The following EXOC2 variants were observed in gnomAD, a reference collection of about 807,000 sequenced individuals.
EXOC2 encodes SEC5-like 1.
EXOC2 carries 70 observed loss-of-function variants against 131.8 expected under a neutral mutation model. The ratio of observed to expected loss-of-function variants is 0.53; its 90% CI spans 0.44 to 0.65. The LOEUF is 0.65. Ranked by LOEUF, EXOC2 falls within the 30% of genes least tolerant of loss-of-function variation. The pLI is 0.00. For synonymous variants in EXOC2, 411 were observed against 398.4 expected, an observed-to-expected ratio of 1.03 and a Z score of -0.38; for missense variants, 923 against 1,108.6, an observed-to-expected ratio of 0.83 and a Z score of 2.38.
At chr6:532,730 A>T in intron 22 of EXOC2, 120 bp from the exon 23 acceptor site, 1 of 984,594 alleles carries the variant, frequency 1.0e-6, no homozygotes, top group Non-Finnish European at 1.4e-6. Flanking sequence ...TCCTACAAAA[A>T]CTCGTGACTT....
At chr6:555,844 A>G in intron 19 of EXOC2, 110 bp downstream of exon 19, 1 of 1,097,816 alleles carries the variant, frequency 9.1e-7, no homozygotes, top group East Asian at 2.4e-5. Flanking sequence ...GACAAGATGA[A>G]AAAAGAATAC....
At chr6:641,821 G>A (rs1195244130) in intron 1 of EXOC2, among the ~76,000 whole-genome samples, 3 of 152,076 alleles carry the variant, frequency 2.0e-5, no homozygotes, top group African/African-American at 4.8e-5. Flanking sequence ...TGCAACAGAC[G>A]TATAACTGGT....
At chr6:656,184 A>T (rs1763070436) in intron 1 of EXOC2, 1 of 1,614,186 alleles carries the variant, frequency 6.2e-7, no homozygotes, top group Non-Finnish European at 8.5e-7. Flanking sequence ...ATTGTCCCAA[A>T]TATTGCACAG....
intron 1 of EXOC2, among the ~76,000 whole-genome samples, chr6:671,175 G>A (rs1422724958): frequency 6.6e-6 from 1 of 151,640 alleles, no homozygotes; most frequent in Non-Finnish European, 1.5e-5. Flanking sequence ...TGGCCAACAT[G>A]GCAAAATCCC....
chr6:567,627 CATTA>C (rs1365554073), intron 13 of EXOC2, among the ~76,000 whole-genome samples: 1 of 151,722 alleles, frequency 6.6e-6, no homozygotes, highest in East Asian at 1.9e-4. Flanking sequence ...ATGTGTTATA[CATTA>C]ATGTTTCATA....
chr6:579,470 A>G (rs1273057445), intron 11 of EXOC2, among the ~76,000 whole-genome samples: 1 of 152,234 alleles, frequency 6.6e-6, no homozygotes, highest in Non-Finnish European at 1.5e-5. Flanking sequence ...AGAAGAGCAC[A>G]TGCCCCTCCG....
At chr6:496,376 C>A (rs953963849) in intron 25 of EXOC2, among the ~76,000 whole-genome samples, 1 of 152,220 alleles carries the variant, frequency 6.6e-6, no homozygotes, top group African/African-American at 2.4e-5. Flanking sequence ...TTTTAGCAAG[C>A]AGTTAACTTA....
At chr6:490,414 G>A (rs926097201) in intron 26 of EXOC2, among the ~76,000 whole-genome samples, 1 of 152,212 alleles carries the variant, frequency 6.6e-6, no homozygotes, top group Non-Finnish European at 1.5e-5. Context: ...ACTAAAAATG[G>A]CTGCTGGTGA....
At chr6:659,243 A>G (rs1050895481) in intron 1 of EXOC2, among the ~76,000 whole-genome samples, 1 of 152,206 alleles carries the variant, frequency 6.6e-6, no homozygotes, top group Admixed American at 6.5e-5. Context: ...TTTTCAAAAC[A>G]CTGCTGAATA....
chr6:553,779 C>T (rs1757272661), intron 21 of EXOC2, 75 bp downstream of exon 21: 5 of 1,209,060 alleles, frequency 4.1e-6, no homozygotes, highest in Non-Finnish European at 6.2e-6. Context: ...GATGCAGGAA[C>T]ACAGTCATTA....
At chr6:570,283 G>C (rs7771371) in intron 13 of EXOC2, among the ~76,000 whole-genome samples, 1 of 151,876 alleles carries the variant, frequency 6.6e-6, no homozygotes, top group Non-Finnish European at 1.5e-5. Flanking sequence ...ACAGGCGCCC[G>C]CCACCACGCC....
At position 556,513 on chromosome 6, in the gene EXOC2, C is replaced by T; in HGVS notation, c.1903G>A (p.Val635Ile). ...IVCSLQSLKGVLECKPGEASV... is the reference protein window; with the variant it reads ...IVCSLQSLKGILECKPGEASV... Reference sequence around the variant, plus strand: ...GCCTCTCCCGGCTTGCACTCCAGAACCCCCTTCAGTGACTGCAGAGAACAC... The same window carrying T: ...GCCTCTCCCGGCTTGCACTCCAGAATCCCCTTCAGTGACTGCAGAGAACAC... Residue 635 changes from valine (V) to isoleucine (I), a missense_variant, in exon 18 of 28, where the codon GTT (valine) becomes ATT (isoleucine). Coordinates refer to ENST00000230449, the MANE Select transcript of EXOC2 (RefSeq NM_018303.6). 6.2e-7 allele frequency: 1 copy of T among 1,614,124 alleles called. No individual in the cohort carries two copies. Among genetic ancestry groups the T allele is most frequent in the Non-Finnish European group, 8.5e-7 (1 of 1,180,002 alleles).
At chr6:620,511 T>C (rs1037143009) in intron 4 of EXOC2, among the ~76,000 whole-genome samples, 2 of 152,186 alleles carry the variant, frequency 1.3e-5, no homozygotes, top group Admixed American at 6.5e-5. Context: ...GCCCAACTCA[T>C]AAGGTATAAA....
intron 1 of EXOC2, among the ~76,000 whole-genome samples, chr6:641,386 C>G (rs1312319589): frequency 6.6e-6 from 1 of 152,136 alleles, no homozygotes; most frequent in African/African-American, 2.4e-5. Context: ...TCATGATCCT[C>G]TCAAACCACG....
intron 23 of EXOC2, among the ~76,000 whole-genome samples, chr6:504,792 T>A (rs1345410450): frequency 6.6e-6 from 1 of 152,196 alleles, no homozygotes; most frequent in East Asian, 1.9e-4. Flanking sequence ...GTATCTATCA[T>A]GTGCTGGGCA....
chr6:548,503 A>G (rs1258446896), intron 22 of EXOC2, among the ~76,000 whole-genome samples: 2 of 152,222 alleles, frequency 1.3e-5, no homozygotes, highest in African/African-American at 4.8e-5. Flanking sequence ...TGCTTAGTTG[A>G]AAAAAATATA....
rs752535144 is a variant in EXOC2, at chr6:549,161, A to G, written c.2238+14T>C. 3.1e-6 allele frequency: 5 copies of G among 1,605,106 alleles called. No individual in the cohort carries two copies. The highest frequency in any genetic ancestry group is 4.3e-6 in the Non-Finnish European group (5 of 1,171,954). ...AAAACCACCGACTTGTGCGTTTTAC[A>G]TGAACTCGCTTACCTGTGTGATTTT... On this transcript the variant is annotated intron_variant, in intron 22 of 27. Transcript: ENST00000230449.
Position 502,488 on chromosome 6 carries a change from G to A in EXOC2, c.2381-2788C>T, listed in dbSNP as rs780350564. Among the ~76,000 whole-genome samples the A allele has an allele frequency of 2.0e-5, 3 of 151,994 alleles. No homozygotes were observed. The South Asian group carries it at 6.2e-4, about 32-fold the overall frequency. ...CCTGCTGTGAACTCAACTCCCACTC[G>A]GACCCCGACATCATAAACACTTCCT... On this transcript the variant is annotated intron_variant, in intron 23 of 27. Transcript: ENST00000230449.
At chr6:667,515 C>A (rs1348359594) in intron 1 of EXOC2, among the ~76,000 whole-genome samples, 1 of 96,940 alleles carries the variant, frequency 1.0e-5, no homozygotes, top group Non-Finnish European at 2.4e-5. Flanking sequence ...TGTGAGCAGG[C>A]ACCACAAAGC....
Sources: gnomAD v4.1 joint callset for allele counts (sites outside exome capture counted in the v4.1 genomes callset) on GRCh38, gnomAD v4.1.1 for gene constraint, MANE v1.5 for transcripts, NCBI Gene and HGNC (gene_info 2026-07-23, HGNC 2026-07-21) for gene names.